The following GRB14 variants were observed in gnomAD, a reference collection of about 807,000 sequenced individuals.
GRB14 encodes the protein growth factor receptor bound protein 14.
Under a neutral mutation model 69.1 loss-of-function variants are expected in GRB14, and 38 were observed. That is an observed-to-expected ratio of 0.55 (90% confidence interval 0.42 to 0.72). The LOEUF (loss-of-function observed/expected upper bound fraction) is 0.72, where lower values mean the gene tolerates loss of function less well. GRB14 is among the 30% of genes least tolerant of loss of function. The probability of loss-of-function intolerance (pLI) is 0.00; values close to 1 mark genes in which losing one functional copy is unlikely to be tolerated. For synonymous variants in GRB14, 247 were observed against 241.3 expected (o/e 1.02, Z -0.22); for missense variants, 666 against 666.1 (o/e 1.00, Z 0.00).
intron 3 of GRB14, among the ~76,000 whole-genome samples, chr2:164,529,207 T>G (rs757643870): frequency 6.6e-6 from 1 of 152,072 alleles, no homozygotes; most frequent in Non-Finnish European, 1.5e-5. Context: ...CCTAGAATAG[T>G]CAAATTCATA....
intron 2 of GRB14, among the ~76,000 whole-genome samples, chr2:164,591,702 T>C (rs942930990): frequency 1.3e-5 from 2 of 152,172 alleles, no homozygotes; most frequent in African/African-American, 4.8e-5. Context: ...TTGAGCCTAC[T>C]GCCTTGTCCA....
chr2:164,560,108 C>A lies in GRB14; in HGVS notation c.325-12292G>T, dbSNP rs1247010041. Among the ~76,000 whole-genome samples, 6 of 152,270 alleles carry A rather than the reference C, an allele frequency of 3.9e-5. No individual in the cohort carries two copies. The East Asian group carries it at 9.7e-4, about 25-fold the overall frequency. On this transcript the variant is annotated intron_variant, in intron 2 of 13. Coordinates refer to ENST00000263915, the MANE Select transcript of GRB14 (RefSeq NM_004490.3). ...ACCTCCAAATGGTCACCAGCTGAGC[C>A]AGCCACAGAACCCCATTTCTGGCTC...
intron 3 of GRB14, among the ~76,000 whole-genome samples, chr2:164,547,118 G>A (rs139572654): frequency 1.5e-4 from 23 of 152,082 alleles, no homozygotes; most frequent in African/African-American, 5.1e-4. Context: ...AAGAAGGCTC[G>A]AATAAATAAC....
intron 2 of GRB14, among the ~76,000 whole-genome samples, chr2:164,573,040 C>G (rs1689159098): frequency 6.6e-6 from 1 of 152,150 alleles, no homozygotes; most frequent in Non-Finnish European, 1.5e-5. Flanking sequence ...AGCAGCCATC[C>G]CTCCATATAA....
At chr2:164,595,384 AAAAC>A (rs534560395) in intron 2 of GRB14, among the ~76,000 whole-genome samples, 3 of 152,238 alleles carry the variant, frequency 2.0e-5, no homozygotes, top group Non-Finnish European at 4.4e-5. Flanking sequence ...ACATGCTATG[AAAAC>A]AAACAAACAC....
At chr2:164,573,759 T>C (rs963102563) in intron 2 of GRB14, 1 of 1,610,622 alleles carries the variant, frequency 6.2e-7, no homozygotes, top group Non-Finnish European at 8.5e-7. Flanking sequence ...CTCTTCATAT[T>C]TGAGACTTTC....
chr2:164,569,180 A>G (rs1689064777), intron 2 of GRB14, among the ~76,000 whole-genome samples: 2 of 152,330 alleles, frequency 1.3e-5, no homozygotes, highest in Admixed American at 1.3e-4. Context: ...TTTAAAAAAT[A>G]ACCACTGCCA....
At chr2:164,524,059 T>C (rs1032381132) in intron 5 of GRB14, among the ~76,000 whole-genome samples, 1 of 152,084 alleles carries the variant, frequency 6.6e-6, no homozygotes, top group Admixed American at 6.6e-5. Flanking sequence ...GGACTAATCA[T>C]GTTTCAAAAA....
chr2:164,611,119 C>T (rs1458528739), intron 2 of GRB14, among the ~76,000 whole-genome samples: 1 of 152,060 alleles, frequency 6.6e-6, no homozygotes, highest in Non-Finnish European at 1.5e-5. Context: ...GTAGAATGTA[C>T]ATGAGGTTTA....
At chr2:164,537,748 T>C (rs1236619359) in intron 3 of GRB14, among the ~76,000 whole-genome samples, 1 of 152,196 alleles carries the variant, frequency 6.6e-6, no homozygotes, top group African/African-American at 2.4e-5. Flanking sequence ...TTACTATCTT[T>C]GCTAGTTACA....
chr2:164,610,996 G>A (rs1690155722), intron 2 of GRB14, among the ~76,000 whole-genome samples: 1 of 151,632 alleles, frequency 6.6e-6, no homozygotes, highest in African/African-American at 2.4e-5. Context: ...CAGGAGCCAG[G>A]GAAATAGGTT....
chr2:164,509,120 A>T (rs927422575), intron 6 of GRB14, among the ~76,000 whole-genome samples: 11 of 152,216 alleles, frequency 7.2e-5, no homozygotes, highest in African/African-American at 2.7e-4. Flanking sequence ...TAAACTTCCG[A>T]TTCTCTTTAA....
At chr2:164,549,903 TAAAATAAAATAAAATAAAATA>T (rs1688490309) in intron 2 of GRB14, among the ~76,000 whole-genome samples, 1 of 148,562 alleles carries the variant, frequency 6.7e-6, no homozygotes, top group Non-Finnish European at 1.5e-5. Context: ...TAAAATAAAA[TAAAATAAAATAAAATAAAATA>T]AAATAAAATA....
Position 164,621,423 on chromosome 2 carries a change from G to A in GRB14, c.-114C>T, listed in dbSNP as rs1320050553. On this transcript the variant is annotated 5_prime_UTR_variant, in exon 1 of 14. Coordinates refer to ENST00000263915, the MANE Select transcript of GRB14 (RefSeq NM_004490.3). This position sits in a 1 kb window ranked among gnomAD's most constrained non-coding sequence, Gnocchi z 6.0. The stretch of plus-strand genomic sequence containing the variant: ...GCAGCCCGAGCGCTCTGCAGGTGTG[G>A]TGGCCTCGCCGCCTGCGCTCGGGGC... 14 of 894,924 alleles carry A rather than the reference G, an allele frequency of 1.6e-5. No homozygotes were observed. The highest frequency in any genetic ancestry group is 2.0e-5 in the Non-Finnish European group (14 of 682,942). 55.4% of individuals were successfully genotyped at this position (894,924 alleles called of 1,614,324 possible).
At chr2:164,568,951 A>G (rs1353854505) in intron 2 of GRB14, among the ~76,000 whole-genome samples, 1 of 152,152 alleles carries the variant, frequency 6.6e-6, no homozygotes, top group Admixed American at 6.5e-5. Flanking sequence ...TTTAATATAT[A>G]TTAATATCTT....
chr2:164,562,247 C>T (rs1174094286), intron 2 of GRB14, among the ~76,000 whole-genome samples: 4 of 152,180 alleles, frequency 2.6e-5, no homozygotes, highest in African/African-American at 9.7e-5. Context: ...TTCAAATATA[C>T]AACCCAGAAG....
At chr2:164,516,399 A>G (rs1257204445) in intron 6 of GRB14, among the ~76,000 whole-genome samples, 1 of 152,008 alleles carries the variant, frequency 6.6e-6, no homozygotes, top group African/African-American at 2.4e-5. Flanking sequence ...AAGGCAGGAG[A>G]ATCACTTGAA....
intron 6 of GRB14, among the ~76,000 whole-genome samples, chr2:164,512,078 C>A (rs474066): frequency 0.85 from 129,166 of 152,162 alleles, 55,755 homozygotes; most frequent in African/African-American, 0.96. Context: ...AGTGGGAAGG[C>A]CTGCGTCTCA....
chr2:164,566,380 A>G (rs1688974675), intron 2 of GRB14, among the ~76,000 whole-genome samples: 1 of 152,172 alleles, frequency 6.6e-6, no homozygotes, highest in South Asian at 2.1e-4. Context: ...GAAGCACATA[A>G]TGGTGTGCTA....
Sources: allele counts gnomAD v4.1 joint callset (sites outside exome capture counted in the v4.1 genomes callset), GRCh38; gene constraint gnomAD v4.1.1; non-coding constraint Gnocchi (gnomAD v3.1); transcripts MANE v1.5; gene names NCBI Gene and HGNC (gene_info 2026-07-23, HGNC 2026-07-21).